Variants in GALNT13 observed in about 807,000 individuals in gnomAD.
GALNT13 encodes UDP-GalNAc:polypeptide N-acetylgalactosaminyltransferase 13.
A neutral mutation model predicts 64.2 loss-of-function variants in GALNT13; 28 were observed. The ratio of observed to expected loss-of-function variants is 0.44; its 90% CI spans 0.32 to 0.60. The LOEUF (loss-of-function observed/expected upper bound fraction) is 0.60. Ranked by LOEUF, GALNT13 falls within the 20% of genes least tolerant of loss-of-function variation. GALNT13 has a pLI of 0.05. For missense variants in GALNT13, 577 were observed against 669.8 expected, an observed-to-expected ratio of 0.86 and a Z score of 1.53; for synonymous variants, 214 against 224.6, an observed-to-expected ratio of 0.95 and a Z score of 0.42.
chr2:153,536,181 T>C, the GALNT13 span, among the ~76,000 whole-genome samples: 1 of 152,168 alleles, frequency 6.6e-6, no homozygotes, highest in South Asian at 2.1e-4. Context: ...ATCTTTAGTG[T>C]GGGAATATGA....
chr2:153,535,199 G>A, the GALNT13 span, among the ~76,000 whole-genome samples: 1 of 152,024 alleles, frequency 6.6e-6, no homozygotes, highest in African/African-American at 2.4e-5. Flanking sequence ...GATTGGTGAC[G>A]GCCCGGATAC....
intron 8 of GALNT13, among the ~76,000 whole-genome samples, chr2:154,269,786 A>G (rs1300285624): frequency 6.7e-6 from 1 of 149,764 alleles, no homozygotes; most frequent in Non-Finnish European, 1.5e-5. Flanking sequence ...TTGTTTAAAC[A>G]TATATTTTCA....
At chr2:154,181,129 G>T (rs1441610577) in intron 4 of GALNT13, among the ~76,000 whole-genome samples, 1 of 152,078 alleles carries the variant, frequency 6.6e-6, no homozygotes, top group Non-Finnish European at 1.5e-5. Context: ...ATTTCCCATT[G>T]ATACCAAGGA....
intron 3 of GALNT13, among the ~76,000 whole-genome samples, chr2:154,113,670 C>A (rs778529208): frequency 3.3e-5 from 5 of 152,220 alleles, no homozygotes; most frequent in African/African-American, 7.2e-5. Context: ...TTTGCTGCTT[C>A]TTGCTCACTG....
chr2:153,567,448 G>A, the GALNT13 span, among the ~76,000 whole-genome samples: 39,104 of 152,184 alleles, frequency 0.26, 5,561 homozygotes, highest in South Asian at 0.34. Context: ...GGACACAAAG[G>A]CCTGGTGAGG....
At chr2:154,297,008 T>G (rs189369575) in intron 8 of GALNT13, among the ~76,000 whole-genome samples, 1 of 152,048 alleles carries the variant, frequency 6.6e-6, no homozygotes, top group Non-Finnish European at 1.5e-5. Context: ...ATTTGAGAAT[T>G]TGGTGTGTGA....
chr2:153,658,084 A>G, the GALNT13 span, among the ~76,000 whole-genome samples: 25 of 152,238 alleles, frequency 1.6e-4, no homozygotes, highest in South Asian at 4.1e-4. Flanking sequence ...TGTCTGACTC[A>G]TTCAAGACCC....
chr2:153,870,487 T>A, upstream of GALNT13, among the ~76,000 whole-genome samples: 1 of 151,906 alleles, frequency 6.6e-6, no homozygotes, highest in Non-Finnish European at 1.5e-5. Context: ...AGGACTGGAA[T>A]TCACTAGAGA....
intron 2 of GALNT13, among the ~76,000 whole-genome samples, chr2:153,913,781 C>A (rs918998650): frequency 2.6e-5 from 4 of 152,088 alleles, no homozygotes; most frequent in Non-Finnish European, 5.9e-5. Context: ...TCCCTTCAGT[C>A]CAGCATCTGT....
the GALNT13 span, among the ~76,000 whole-genome samples, chr2:153,751,238 T>C: frequency 6.6e-6 from 1 of 151,992 alleles, no homozygotes; most frequent in Non-Finnish European, 1.5e-5. Flanking sequence ...ATATGATCTG[T>C]CCTTGAGAAT....
intron 3 of GALNT13, among the ~76,000 whole-genome samples, chr2:154,116,511 T>A (rs1681573607): frequency 6.6e-6 from 1 of 152,178 alleles, no homozygotes; most frequent in African/African-American, 2.4e-5. Flanking sequence ...CCTGAGTTCA[T>A]AATTTTCTTT....
chr2:154,438,734 ATTTTC>A lies in GALNT13; in HGVS notation c.1530+11_1530+15del, dbSNP rs1326588344. On this transcript the variant is annotated intron_variant, in intron 12 of 12. Transcript: ENST00000392825. ...TGGGAATATGATGCTGAGGTATAGT[ATTTTC>A]TTAATTTACTTATTATTTGATGCTT... The A allele has an allele frequency of 1.3e-6, 2 of 1,584,054 alleles. No individual in the cohort carries two copies. Among genetic ancestry groups the A allele is most frequent in the Admixed American group, 1.8e-5 (1 of 56,620 alleles).
downstream of GALNT13, among the ~76,000 whole-genome samples, chr2:154,454,160 A>G (rs1432995807): frequency 3.9e-5 from 6 of 152,186 alleles, no homozygotes; most frequent in Non-Finnish European, 7.3e-5. Flanking sequence ...TGGAATAAAC[A>G]CAGAGATTTT....
chr2:153,970,959 GTTA>G (rs1384979145), intron 3 of GALNT13, among the ~76,000 whole-genome samples: 1 of 152,132 alleles, frequency 6.6e-6, no homozygotes, highest in Admixed American at 6.5e-5. Flanking sequence ...AGAAACAAAA[GTTA>G]TTATGATGGC....
the GALNT13 span, among the ~76,000 whole-genome samples, chr2:153,611,938 T>C: frequency 1.3e-5 from 2 of 151,672 alleles, no homozygotes; most frequent in African/African-American, 4.8e-5. Flanking sequence ...CTCCCACTTA[T>C]GAGTGACAAC....
the GALNT13 span, among the ~76,000 whole-genome samples, chr2:153,245,121 A>C: frequency 6.6e-6 from 1 of 152,258 alleles, no homozygotes. Context: ...AGCCCCAGTC[A>C]GGGGCCTACA....
chr2:153,470,708 T>G, the GALNT13 span, among the ~76,000 whole-genome samples: 1 of 152,174 alleles, frequency 6.6e-6, no homozygotes, highest in East Asian at 1.9e-4. Context: ...TTGTTGATTG[T>G]AACCCAAAGA....
At chr2:153,982,985 A>G (rs1043826479) in intron 3 of GALNT13, among the ~76,000 whole-genome samples, 2 of 152,000 alleles carry the variant, frequency 1.3e-5, no homozygotes, top group East Asian at 1.9e-4. Context: ...AATTTTCTTA[A>G]TGTATTGAAA....
chr2:153,081,481 A>G, the GALNT13 span, among the ~76,000 whole-genome samples: 1 of 152,110 alleles, frequency 6.6e-6, no homozygotes, highest in East Asian at 1.9e-4. Flanking sequence ...GTTTTTTCCT[A>G]CGCATTGACT....
Sources: allele counts gnomAD v4.1 joint callset (sites outside exome capture counted in the v4.1 genomes callset), GRCh38; gene constraint gnomAD v4.1.1; transcripts MANE v1.5; gene names NCBI Gene and HGNC (gene_info 2026-07-23, HGNC 2026-07-21).